Variants in PLEKHA6 observed in about 807,000 individuals in gnomAD.
PLEKHA6 encodes pleckstrin homology domain containing A6.
Under a neutral mutation model 116.7 loss-of-function variants are expected in PLEKHA6, and 60 were observed. The ratio of observed to expected loss-of-function variants is 0.51; its 90% CI spans 0.42 to 0.64. The LOEUF (loss-of-function observed/expected upper bound fraction) is 0.64, where lower values mean the gene tolerates loss of function less well. Ranked by LOEUF, PLEKHA6 falls within the 30% of genes least tolerant of loss-of-function variation. PLEKHA6 has a pLI of 0.00. For synonymous variants in PLEKHA6, 489 were observed against 556.1 expected (o/e 0.88, Z 1.70); for missense variants, 1,338 against 1,422.7 (o/e 0.94, Z 0.96).
At chr1:204,284,070 C>G (rs1427167622) in intron 1 of PLEKHA6, among the ~76,000 whole-genome samples, 9 of 152,214 alleles carry the variant, frequency 5.9e-5, no homozygotes, top group African/African-American at 2.2e-4. Flanking sequence ...CCTCAAATCC[C>G]TCTCGCCGGG....
chr1:204,352,994 T>C (rs2103369707), intron 1 of PLEKHA6, among the ~76,000 whole-genome samples: 1 of 152,190 alleles, frequency 6.6e-6, no homozygotes, highest in Non-Finnish European at 1.5e-5. Context: ...CAAAAATAAA[T>C]AAATCAAAAT....
At chr1:204,279,699 G>A (rs566420471) in intron 1 of PLEKHA6, among the ~76,000 whole-genome samples, 3 of 152,298 alleles carry the variant, frequency 2.0e-5, no homozygotes, top group Admixed American at 6.5e-5. Flanking sequence ...TCCACAATGA[G>A]GGTGGCCCTG....
rs1665586184 is a variant in PLEKHA6, at chr1:204,257,960, C to CTT, written c.1008-92_1008-91insAA. ...CACCTCCAGGTCCCCCAGCCTAGAGCAGGGTGCTTGAATAGGTACACAGGG... is the reference window on the plus strand; with the variant it reads ...CACCTCCAGGTCCCCCAGCCTAGAGCTTAGGGTGCTTGAATAGGTACACAGGG... On this transcript the variant is annotated intron_variant, in intron 8 of 22. Transcript: ENST00000272203. This position sits in a 1 kb window ranked among gnomAD's most constrained non-coding sequence, Gnocchi z 6.5. 1 of 1,231,206 alleles carries CTT rather than the reference C, an allele frequency of 8.1e-7. No homozygotes were observed. Among genetic ancestry groups the CTT allele is most frequent in the African/African-American group, 1.5e-5 (1 of 66,634 alleles). 76.3% of individuals were successfully genotyped at this position (1,231,206 alleles called of 1,614,324 possible). A position where few individuals can be genotyped will look rare whatever the true frequency, so the allele number is the denominator to read the frequency against.
chr1:204,244,614 C>G (rs181063671), intron 15 of PLEKHA6, among the ~76,000 whole-genome samples: 152 of 152,282 alleles, frequency 1.0e-3, no homozygotes, highest in African/African-American at 3.5e-3. Context: ...GCTATCCATC[C>G]TGGTGCCCAG....
intron 21 of PLEKHA6, among the ~76,000 whole-genome samples, chr1:204,224,798 T>G (rs1284348657): frequency 6.6e-6 from 1 of 152,218 alleles, no homozygotes; most frequent in Non-Finnish European, 1.5e-5. Flanking sequence ...ACAAACACTT[T>G]CAAACACACA....
chr1:204,228,918 C>A lies in PLEKHA6; in HGVS notation c.2751+19G>T. 1 of 1,614,064 alleles carries A rather than the reference C, an allele frequency of 6.2e-7. No individual in the cohort carries two copies. The highest frequency in any genetic ancestry group is 8.5e-7 in the Non-Finnish European group (1 of 1,179,982). On this transcript the variant is annotated intron_variant, in intron 19 of 22. Transcript: ENST00000272203. This position sits in a 1 kb window ranked among gnomAD's most constrained non-coding sequence, Gnocchi z 4.0. ...CCTTCCCAGAGTCTCCCACTACAGC[C>A]CTTCCTGGCTCCACTCACCTCCTTA...
Position 204,249,221 on chromosome 1 carries a change from T to C in PLEKHA6, c.1637A>G (p.Glu546Gly). Residue 546 changes from glutamate to glycine, a missense_variant, in exon 11 of 23, where the codon GAG becomes GGG. Physicochemically the swap from Glu to Gly is moderately conservative, Grantham distance 98 (BLOSUM62 -2). Around this residue, in one of 3 missense-constraint regions of PLEKHA6, gnomAD observed 1,136 missense variants for 1,163.6 expected, o/e 0.98. Transcript: ENST00000272203. ...GAGCTGCTGCACCAGCCGGTCCTGCTCCCTCACCACCTTGTTCTGCTCACA... is the reference window on the plus strand; with the variant it reads ...GAGCTGCTGCACCAGCCGGTCCTGCCCCCTCACCACCTTGTTCTGCTCACA... Reference protein sequence around the residue: ...KLCEQNKVVREQDRLVQQLRA... With the variant: ...KLCEQNKVVRGQDRLVQQLRA... 1 of 1,613,976 alleles carries C rather than the reference T, an allele frequency of 6.2e-7. No individual in the cohort carries two copies. The highest frequency in any genetic ancestry group is 8.5e-7 in the Non-Finnish European group (1 of 1,179,852).
intron 1 of PLEKHA6, among the ~76,000 whole-genome samples, chr1:204,307,651 T>C (rs1208854490): frequency 6.6e-6 from 1 of 152,198 alleles, no homozygotes; most frequent in Admixed American, 6.5e-5. Context: ...GTTCCTCGGG[T>C]CTGATGGCTT....
intron 1 of PLEKHA6, among the ~76,000 whole-genome samples, chr1:204,319,105 C>T (rs1412482326): frequency 6.6e-6 from 1 of 152,218 alleles, no homozygotes; most frequent in Non-Finnish European, 1.5e-5. Flanking sequence ...CCCTGTGCCA[C>T]ATCAACCCAG....
intron 1 of PLEKHA6, chr1:204,275,907 C>G (rs892912991): frequency 1.2e-5 from 2 of 160,328 alleles, no homozygotes; most frequent in East Asian, 1.9e-4. Flanking sequence ...GGCACTAGGA[C>G]AGAGGCCACG....
At chr1:204,349,316 A>T (rs551846381) in intron 1 of PLEKHA6, among the ~76,000 whole-genome samples, 1 of 152,204 alleles carries the variant, frequency 6.6e-6, no homozygotes, top group East Asian at 1.9e-4. Context: ...AGGCGGGCGG[A>T]TCACTTGAGG....
chr1:204,261,583 C>A lies in PLEKHA6; in HGVS notation c.382-135G>T. 1.0e-6 allele frequency: 1 copy of A among 991,342 alleles called. No homozygotes were observed. Among genetic ancestry groups the A allele is most frequent in the East Asian group, 2.7e-5 (1 of 37,384 alleles). The allele number at this position is 991,342 out of a possible 1,614,324, so 61.4% of individuals were successfully genotyped here. A position where few individuals can be genotyped will look rare whatever the true frequency, so the allele number is the denominator to read the frequency against. On this transcript the variant is annotated intron_variant, in intron 6 of 22. Transcript: ENST00000272203. This position sits in a 1 kb window ranked among gnomAD's most constrained non-coding sequence, Gnocchi z 4.0. ...ATTCCCTGCACCTGGGGCTCTTCCC[C>A]ATGCGGAGCTCAGGAGCAAGGTGAA...
chr1:204,251,737 C>G, intron 9 of PLEKHA6: 1 of 612,476 alleles, frequency 1.6e-6, no homozygotes, highest in Non-Finnish European at 3.0e-6. Context: ...TGAGCTTGCC[C>G]TCACTCCTTG....
intron 1 of PLEKHA6, chr1:204,308,989 T>G: frequency 1.4e-6 from 1 of 727,342 alleles, no homozygotes; most frequent in Non-Finnish European, 1.7e-6. Context: ...ACGCCCGGCC[T>G]CAAGAAGGTA....
rs1659622673 is a variant in PLEKHA6 at position 204,221,405 on chromosome 1, C to T, written c.*1383G>A. The T allele has an allele frequency of 6.6e-6, 1 of 152,640 alleles. No individual in the cohort carries two copies. The highest frequency in any genetic ancestry group is 1.5e-5 in the Non-Finnish European group (1 of 68,054). The allele number at this position is 152,640 out of a possible 1,614,324, so 9.5% of individuals were successfully genotyped here. ...CTTCAGTTTCCCTCCTTCCTCCTCT[C>T]TGGCTACATTCGTCTCCAGGTGGGT... On this transcript the variant is annotated 3_prime_UTR_variant, in exon 23 of 23. Coordinates refer to ENST00000272203, the MANE Select transcript of PLEKHA6 (RefSeq NM_014935.5).
chr1:204,377,508 C>T (rs933034655), intron 1 of PLEKHA6: 1 of 152,274 alleles, frequency 6.6e-6, no homozygotes, highest in Non-Finnish European at 1.5e-5. Flanking sequence ...CGGCCTGCCC[C>T]CAGCCCCGCC....
At chr1:204,245,063 T>C in intron 14 of PLEKHA6, 60 bp from the exon 15 acceptor site, 1 of 1,209,536 alleles carries the variant, frequency 8.3e-7, no homozygotes, top group South Asian at 1.9e-5. Flanking sequence ...GGTGGGTAGA[T>C]GGGCACTGTG....
chr1:204,330,462 C>T (rs1436264464), intron 1 of PLEKHA6, among the ~76,000 whole-genome samples: 2 of 152,238 alleles, frequency 1.3e-5, no homozygotes, highest in Non-Finnish European at 2.9e-5. Context: ...AGCAGTCTCT[C>T]TACTTTTGTG....
At chr1:204,247,335 A>G (rs1663837680) in intron 13 of PLEKHA6, 30 bp downstream of exon 13, 1 of 1,407,112 alleles carries the variant, frequency 7.1e-7, no homozygotes, top group Non-Finnish European at 1.0e-6. Context: ...TCACATCCCA[A>G]TCCCCGCCAG....
Sources: allele counts gnomAD v4.1 joint callset (sites outside exome capture counted in the v4.1 genomes callset), GRCh38; gene constraint gnomAD v4.1.1; regional missense constraint gnomAD v4.1.1; non-coding constraint Gnocchi (gnomAD v3.1); transcripts MANE v1.5; gene names NCBI Gene and HGNC (gene_info 2026-07-23, HGNC 2026-07-21).